The following RIMBP2 variants were observed in gnomAD, a reference collection of about 807,000 sequenced individuals.
The protein encoded by RIMBP2 is RIMS-binding protein 2.
RIMBP2 carries 48 observed loss-of-function variants against 118.6 expected under a neutral mutation model. The observed-to-expected ratio is 0.40, with a 90% confidence interval of 0.32 to 0.51. RIMBP2 has a LOEUF of 0.51. Ranked by LOEUF, RIMBP2 falls within the 20% of genes least tolerant of loss-of-function variation. The pLI, the probability that RIMBP2 is intolerant of heterozygous loss-of-function variation, is 0.41. For missense variants in RIMBP2, 1,551 were observed against 1,768.3 expected (o/e 0.88, Z 2.20); for synonymous variants, 762 against 742.9 (o/e 1.03, Z -0.42).
chr12:130,405,172 C>A (rs2075040666), intron 21 of RIMBP2, among the ~76,000 whole-genome samples: 1 of 152,096 alleles, frequency 6.6e-6, no homozygotes, highest in African/African-American at 2.4e-5. Flanking sequence ...GAAATTCATC[C>A]TTAATAAACA....
chr12:130,610,502 G>T (rs1331724772), intron 2 of RIMBP2, among the ~76,000 whole-genome samples: 2 of 142,588 alleles, frequency 1.4e-5, no homozygotes, highest in Non-Finnish European at 3.1e-5. Context: ...TCCTAGCAAT[G>T]TACAAGAGAC....
rs1305292645 is a variant in RIMBP2 at position 130,422,124 on chromosome 12, G to A, written c.3238+329C>T. Among the ~76,000 whole-genome samples the A allele has an allele frequency of 1.3e-5, 2 of 152,184 alleles. No individual in the cohort carries two copies. Among genetic ancestry groups the A allele is most frequent in the Non-Finnish European group, 1.5e-5 (1 of 68,032 alleles). ...ACATCCAGCTTCTGCACCTGCCATG[G>A]ACTGTGACCCTGAGTGTCCCAGGGA... On this transcript the variant is annotated intron_variant, in intron 17 of 22. Coordinates refer to ENST00000690449, the MANE Select transcript of RIMBP2 (RefSeq NM_001393629.1). This position sits in a 1 kb window ranked among gnomAD's most constrained non-coding sequence, Gnocchi z 5.2.
intron 6 of RIMBP2, among the ~76,000 whole-genome samples, chr12:130,464,351 T>C (rs1451705884): frequency 6.6e-6 from 1 of 152,244 alleles, no homozygotes; most frequent in Non-Finnish European, 1.5e-5. Flanking sequence ...GCTGTCTTTA[T>C]GTGATTTCAT....
At chr12:130,646,144 C>T (rs1184195320) in intron 1 of RIMBP2, among the ~76,000 whole-genome samples, 8 of 97,878 alleles carry the variant, frequency 8.2e-5, no homozygotes, top group Admixed American at 2.1e-4. Flanking sequence ...CCTCCCTCAC[C>T]ACCTGCCTCT....
At chr12:130,472,342 T>C (rs2081078658) in intron 5 of RIMBP2, 1 of 152,236 alleles carries the variant, frequency 6.6e-6, no homozygotes, top group Non-Finnish European at 1.5e-5. Context: ...TCTGAGGCTG[T>C]AATGAGACAG....
At position 130,396,815 on chromosome 12, in the gene RIMBP2, C is replaced by G. The variant is rs1053946467; in HGVS notation, c.*546G>C. The stretch of plus-strand genomic sequence containing the variant: ...AAATGCACAGCCTGTACAACTTGAT[C>G]TCAAACCACTGTGTCAGGATGAAGA... On this transcript the variant is annotated 3_prime_UTR_variant, in exon 23 of 23. Coordinates refer to ENST00000690449, the MANE Select transcript of RIMBP2 (RefSeq NM_001393629.1). 6.6e-6 allele frequency: 1 copy of G among 152,590 alleles called. No individual in the cohort carries two copies. The highest frequency in any genetic ancestry group is 2.4e-5 in the African/African-American group (1 of 41,416). 9.5% of individuals were successfully genotyped at this position (152,590 alleles called of 1,614,324 possible). A position where few individuals can be genotyped will look rare whatever the true frequency, so the allele number is the denominator to read the frequency against.
At chr12:130,664,447 G>GCA (rs1566439298) in intron 1 of RIMBP2, among the ~76,000 whole-genome samples, 1 of 122,414 alleles carries the variant, frequency 8.2e-6, no homozygotes, top group African/African-American at 3.0e-5. Context: ...ACGCACACAC[G>GCA]CACACACATG....
At chr12:130,624,498 G>T (rs569976652) in intron 2 of RIMBP2, among the ~76,000 whole-genome samples, 3 of 152,158 alleles carry the variant, frequency 2.0e-5, no homozygotes, top group African/African-American at 7.2e-5. Context: ...TTGTGTATGC[G>T]TGGGGAAAGG....
rs2065959800 is a variant in RIMBP2 at position 130,703,563 on chromosome 12, C to A, written c.-352+12659G>T. Among the ~76,000 whole-genome samples, 1 of 152,188 alleles carries A rather than the reference C, an allele frequency of 6.6e-6. No individual in the cohort carries two copies. Among genetic ancestry groups the A allele is most frequent in the Non-Finnish European group, 1.5e-5 (1 of 68,036 alleles). ...CTGAGCCGCAGTCTGAGGGCCGGGC[C>A]CTGGCATGGGCTCCATCAGATCCCG... On this transcript the variant is annotated intron_variant, in intron 1 of 22. Coordinates refer to ENST00000690449, the MANE Select transcript of RIMBP2 (RefSeq NM_001393629.1). The surrounding 1 kb of genome is among the most constrained non-coding windows in gnomAD (Gnocchi z 5.7).
intron 1 of RIMBP2, among the ~76,000 whole-genome samples, chr12:130,631,339 A>T (rs2061981772): frequency 6.6e-6 from 1 of 152,222 alleles, no homozygotes; most frequent in African/African-American, 2.4e-5. Flanking sequence ...CACTTAAATA[A>T]AGTAGCAATT....
intron 2 of RIMBP2, among the ~76,000 whole-genome samples, chr12:130,519,162 CTG>C (rs2051802286): frequency 6.6e-6 from 1 of 152,358 alleles, no homozygotes; most frequent in African/African-American, 2.4e-5. Flanking sequence ...TGGTTCATCT[CTG>C]TTACAATATT....
intron 4 of RIMBP2, among the ~76,000 whole-genome samples, chr12:130,494,698 G>C (rs997377148): frequency 1.3e-5 from 2 of 151,828 alleles, no homozygotes; most frequent in African/African-American, 4.8e-5. Context: ...GTAACCCACG[G>C]AGGCCTCCAG....
intron 1 of RIMBP2, among the ~76,000 whole-genome samples, chr12:130,630,950 G>A (rs2061956896): frequency 6.6e-6 from 1 of 151,608 alleles, no homozygotes; most frequent in African/African-American, 2.4e-5. Context: ...AGCAAAACAA[G>A]TGGGGAAAAA....
rs887158436 is a variant in RIMBP2, at chr12:130,698,365, C to T, written c.-352+17857G>A. ...CCGCTCCTAATGTCCTGGTCTCTGC[C>T]TCTCCTCCTGCTCCTTCACATGACC... On this transcript the variant is annotated intron_variant, in intron 1 of 22. Transcript: ENST00000690449. Among the ~76,000 whole-genome samples the T allele has an allele frequency of 2.1e-4, 32 of 152,306 alleles. 1 individual carries two copies. The highest frequency in any genetic ancestry group is 2.1e-3 in the Admixed American group (32 of 15,312).
intron 1 of RIMBP2, among the ~76,000 whole-genome samples, chr12:130,667,066 AGGGAGGGAGGAAAAAATGAGG>A (rs2063962978): frequency 1.7e-5 from 1 of 59,056 alleles, no homozygotes; most frequent in Admixed American, 1.4e-4. Flanking sequence ...AAAAGGAAGA[AGGGAGGGAGGAAAAAATGAGG>A]GAGGGAGGAT....
chr12:130,629,845 T>C (rs59729302), intron 1 of RIMBP2, among the ~76,000 whole-genome samples: 353 of 146,484 alleles, frequency 2.4e-3, no homozygotes, highest in African/African-American at 8.3e-3. Context: ...GTCAAGACTA[T>C]GCTCCAAAAG....
intron 2 of RIMBP2, among the ~76,000 whole-genome samples, chr12:130,608,633 C>T (rs1251625771): frequency 6.6e-6 from 1 of 152,168 alleles, no homozygotes; most frequent in Non-Finnish European, 1.5e-5. Flanking sequence ...GAGGCTCAGG[C>T]CCTGTGGGGA....
chr12:130,451,249 G>A lies in RIMBP2; in HGVS notation c.450C>T (p.Ala150=). The A allele has an allele frequency of 6.2e-7, 1 of 1,614,222 alleles. No homozygotes were observed. The highest frequency in any genetic ancestry group is 8.5e-7 in the Non-Finnish European group (1 of 1,180,032). ...CGGATCTCGACAGGAAGGTGGGCTT[G>A]GCGGACAGAGGCTCCGGCCTGTCAC... is the stretch of plus-strand genomic sequence containing the variant. ...QPGDRPEPLS[A]KPTFLSRSGS... The change falls in exon 8 of 23, where the codon GCC becomes GCT. Residue 150 remains alanine (A), a synonymous_variant. Coordinates refer to ENST00000690449, the MANE Select transcript of RIMBP2 (RefSeq NM_001393629.1).
intron 4 of RIMBP2, 63 bp downstream of exon 4, chr12:130,506,585 C>T: frequency 3.0e-6 from 3 of 983,996 alleles, no homozygotes; most frequent in Non-Finnish European, 3.6e-6. Flanking sequence ...CCTGCAGCCC[C>T]TCCTTCCTCA....
Sources: gnomAD v4.1 joint callset for allele counts (sites outside exome capture counted in the v4.1 genomes callset) on GRCh38, gnomAD v4.1.1 for gene constraint, Gnocchi (gnomAD v3.1) non-coding constraint, MANE v1.5 for transcripts, NCBI Gene and HGNC (gene_info 2026-07-23, HGNC 2026-07-21) for gene names.